C22orf31: variants seen among roughly 807,000 people sequenced by gnomAD.
C22orf31 encodes uncharacterized protein C22orf31.
C22orf31 carries 11 observed loss-of-function variants against 15.0 expected under a neutral mutation model. The observed-to-expected ratio is 0.73, with a 90% confidence interval of 0.46 to 1.21. The LOEUF (loss-of-function observed/expected upper bound fraction) is 1.21, where lower values mean the gene tolerates loss of function less well. C22orf31 is among the 50% of genes most tolerant of loss of function. C22orf31 has a pLI of 0.00. For synonymous variants in C22orf31, 132 were observed against 133.3 expected, an observed-to-expected ratio of 0.99 and a Z score of 0.07; for missense variants, 340 against 347.2, an observed-to-expected ratio of 0.98 and a Z score of 0.17.
At chr22:29,063,503 A>G (rs1157115383), upstream of C22orf31, among the ~76,000 whole-genome samples, 3 of 152,206 alleles carry the variant, frequency 2.0e-5, no homozygotes, top group Non-Finnish European at 2.9e-5. Context: ...TCACATGGGC[A>G]GCACTTGATA....
chr22:29,060,034 T>TTTTTTTTTTTTTTTTTG (rs2037369377), intron 2 of C22orf31: 1 of 912,650 alleles, frequency 1.1e-6, no homozygotes, highest in Non-Finnish European at 1.3e-6. Context: ...TTTTTTTTTT[T>TTTTTTTTTTTTTTTTTG]TTTTTTTTTA....
upstream of C22orf31, among the ~76,000 whole-genome samples, chr22:29,062,258 C>T (rs1328302946): frequency 1.3e-5 from 2 of 152,078 alleles, no homozygotes; most frequent in African/African-American, 4.8e-5. Context: ...TGCATCCCTA[C>T]ATGTGCAAAA....
chr22:29,060,283 T>G (rs966615033), intron 2 of C22orf31, 132 bp downstream of exon 2: 1 of 834,720 alleles, frequency 1.2e-6, no homozygotes, highest in Non-Finnish European at 1.9e-6. Context: ...TCCTCCCTGC[T>G]TGGCCTCCCA....
chr22:29,066,281 T>C (rs1387354965), upstream of C22orf31, among the ~76,000 whole-genome samples: 1 of 152,158 alleles, frequency 6.6e-6, no homozygotes, highest in Non-Finnish European at 1.5e-5. Flanking sequence ...TAAACTTCCA[T>C]ACCCATGTGG....
At chr22:29,059,938 A>C (rs2037365688) in intron 2 of C22orf31, 1 of 978,698 alleles carries the variant, frequency 1.0e-6, no homozygotes, top group Non-Finnish European at 1.2e-6. Flanking sequence ...GCATTCTTCC[A>C]CTCTGTCATG....
Position 29,060,021 on chromosome 22 carries a change from C to CTTTTTT in C22orf31, c.432+388_432+393dup, listed in dbSNP as rs60208241. Reference sequence around the variant, plus strand: ...CTTGGTATAGATCTTTTTTTCTTTTCTTTTTTTTTTTTTTTTTTTTTTATT... The same window carrying CTTTTTT: ...CTTGGTATAGATCTTTTTTTCTTTTCTTTTTTTTTTTTTTTTTTTTTTTTTTTTATT... On this transcript the variant is annotated intron_variant, in intron 2 of 2. Coordinates refer to ENST00000216071, the MANE Select transcript of C22orf31 (RefSeq NM_015370.2). 1,331 of 541,602 alleles carry CTTTTTT rather than the reference C, an allele frequency of 2.5e-3. 8 individuals carry two copies. The highest frequency in any genetic ancestry group is 0.01 in the East Asian group (57 of 5,582). The allele number at this position is 541,602 out of a possible 1,614,324, so 33.5% of individuals were successfully genotyped here.
the C22orf31 span, among the ~76,000 whole-genome samples, chr22:29,072,921 C>T: frequency 6.6e-6 from 1 of 151,084 alleles, no homozygotes; most frequent in Non-Finnish European, 1.5e-5. Context: ...GCGCAGTGGG[C>T]TCCGCCCCCC....
chr22:29,071,835 T>C, the C22orf31 span, among the ~76,000 whole-genome samples: 1 of 152,250 alleles, frequency 6.6e-6, no homozygotes, highest in Admixed American at 6.5e-5. Context: ...GCGCGCTCTC[T>C]GATCCCTAAC....
At chr22:29,062,141 C>A (rs981260768), upstream of C22orf31, among the ~76,000 whole-genome samples, 2 of 152,110 alleles carry the variant, frequency 1.3e-5, no homozygotes, top group Non-Finnish European at 2.9e-5. Flanking sequence ...TCATTTCCCC[C>A]AAAATGGCTT....
At chr22:29,065,511 C>A (rs1445865548), upstream of C22orf31, among the ~76,000 whole-genome samples, 1 of 152,124 alleles carries the variant, frequency 6.6e-6, no homozygotes, top group Non-Finnish European at 1.5e-5. Context: ...GGGTATCAGA[C>A]TTTCATGATC....
chr22:29,058,771 T>C lies in C22orf31; in HGVS notation c.844A>G (p.Lys282Glu). 1 of 1,611,678 alleles carries C rather than the reference T, an allele frequency of 6.2e-7. No individual in the cohort carries two copies. ...TTTTTGCTCTTTAACTTGGGCCATT[T>C]CTTGAGTACAGGCTCCTCGTGGACA... The part of the protein sequence containing the change: ...PGVHEEPVLK[K>E]WPKLKSKK Residue 282 changes from lysine to glutamate, a missense_variant, in exon 3 of 3, where the codon AAA (lysine) becomes GAA (glutamate). Lys to Glu is a moderately conservative substitution (Grantham distance 56). Transcript: ENST00000216071.
chr22:29,068,678 G>A, the C22orf31 span, among the ~76,000 whole-genome samples: 1 of 151,656 alleles, frequency 6.6e-6, no homozygotes, highest in Non-Finnish European at 1.5e-5. Flanking sequence ...CCAAAGTGCT[G>A]GGATTACAGG....
the C22orf31 span, among the ~76,000 whole-genome samples, chr22:29,068,084 C>CTTTTT: frequency 4.6e-5 from 6 of 130,228 alleles, 1 homozygote; most frequent in East Asian, 2.3e-4. Flanking sequence ...CAAACCCCGT[C>CTTTTT]TTTTTTTTTT....
chr22:29,068,605 T>A, the C22orf31 span, among the ~76,000 whole-genome samples: 1 of 151,304 alleles, frequency 6.6e-6, no homozygotes, highest in Admixed American at 6.6e-5. Flanking sequence ...AGAGACGGGG[T>A]TTCACCATGT....
chr22:29,061,420 C>A (rs2037390566), intron 1 of C22orf31, among the ~76,000 whole-genome samples: 1 of 152,140 alleles, frequency 6.6e-6, no homozygotes. Context: ...GCATGCACCA[C>A]CGCACCCAGC....
chr22:29,062,820 T>C (rs1413394646), upstream of C22orf31, among the ~76,000 whole-genome samples: 2 of 152,012 alleles, frequency 1.3e-5, no homozygotes. Context: ...TCCCTTTCAG[T>C]GGCGAGCCCT....
At chr22:29,060,021 C>CT (rs60208241) in intron 2 of C22orf31, 25,221 of 537,470 alleles carry the variant, frequency 0.047, 122 homozygotes, top group African/African-American at 0.072. Flanking sequence ...TTTTTCTTTT[C>CT]TTTTTTTTTT....
upstream of C22orf31, among the ~76,000 whole-genome samples, chr22:29,065,925 CCAT>C (rs1048371915): frequency 6.6e-6 from 1 of 152,190 alleles, no homozygotes; most frequent in Non-Finnish European, 1.5e-5. Flanking sequence ...TATTTTCCAC[CCAT>C]CATTTGGAGC....
upstream of C22orf31, among the ~76,000 whole-genome samples, chr22:29,063,709 C>T (rs939440490): frequency 2.6e-5 from 4 of 152,208 alleles, no homozygotes; most frequent in African/African-American, 9.7e-5. Context: ...GTTCTAGCCA[C>T]TTTATTAGCA....
Sources: gnomAD v4.1 joint callset for allele counts (sites outside exome capture counted in the v4.1 genomes callset) on GRCh38, gnomAD v4.1.1 for gene constraint, MANE v1.5 for transcripts, NCBI Gene and HGNC (gene_info 2026-07-23, HGNC 2026-07-21) for gene names.